ZNF469: variants seen among roughly 807,000 people sequenced by gnomAD.
ZNF469 encodes zinc finger protein 469.
A neutral mutation model predicts 1.0 loss-of-function variants in ZNF469; 1 was observed. The ratio of observed to expected loss-of-function variants is 1.00; its 90% CI spans 0.35 to 4.73. The LOEUF (loss-of-function observed/expected upper bound fraction) is 4.73. ZNF469 is among the 30% of genes most tolerant of loss of function. The probability of loss-of-function intolerance (pLI) is 0.16; values close to 1 mark genes in which losing one functional copy is unlikely to be tolerated. For missense variants in ZNF469, 6,100 were observed against 5,356.3 expected, an observed-to-expected ratio of 1.14 and a Z score of -4.33; for synonymous variants, 2,703 against 2,363.4, an observed-to-expected ratio of 1.14 and a Z score of -4.17.
At chr16:88,323,301 C>T in the ZNF469 span, among the ~76,000 whole-genome samples, 2 of 152,194 alleles carry the variant, frequency 1.3e-5, no homozygotes, top group African/African-American at 4.8e-5. Context: ...CAGGCCCTGA[C>T]ACCCTCGCAG....
At chr16:88,416,416 C>T (rs768343380) in intron 1 of ZNF469, among the ~76,000 whole-genome samples, 15 of 152,144 alleles carry the variant, frequency 9.9e-5, no homozygotes, top group Non-Finnish European at 1.8e-4. Flanking sequence ...GGAAGACAGA[C>T]GACACCCAGG....
intron 1 of ZNF469, among the ~76,000 whole-genome samples, chr16:88,384,140 TA>T (rs1240818626): frequency 6.6e-6 from 1 of 152,248 alleles, no homozygotes; most frequent in African/African-American, 2.4e-5. Context: ...TGCCACGTGT[TA>T]TCACGTTTAA....
At chr16:88,153,874 T>G in the ZNF469 span, among the ~76,000 whole-genome samples, 1 of 152,120 alleles carries the variant, frequency 6.6e-6, no homozygotes, top group Non-Finnish European at 1.5e-5. Context: ...ATCCCTGGTG[T>G]CTCCTCCTCT....
At chr16:88,163,035 G>T in the ZNF469 span, among the ~76,000 whole-genome samples, 3 of 152,004 alleles carry the variant, frequency 2.0e-5, no homozygotes, top group African/African-American at 7.3e-5. Flanking sequence ...ATGGGTGGCT[G>T]GATGAATGGA....
the ZNF469 span, among the ~76,000 whole-genome samples, chr16:88,262,099 G>A: frequency 5.9e-5 from 9 of 152,280 alleles, no homozygotes; most frequent in Non-Finnish European, 1.0e-4. The surrounding 1 kb of genome is among the most constrained non-coding windows in gnomAD (Gnocchi z 4.3). Context: ...CTGCACCGAC[G>A]TTTCCACCTC....
At chr16:88,295,699 G>A in the ZNF469 span, among the ~76,000 whole-genome samples, 2 of 152,156 alleles carry the variant, frequency 1.3e-5, no homozygotes, top group East Asian at 3.9e-4. Flanking sequence ...CCAGGCCCCC[G>A]GGAGATGCTG....
At chr16:88,135,748 G>GTTT in the ZNF469 span, among the ~76,000 whole-genome samples, 2 of 66,892 alleles carry the variant, frequency 3.0e-5, no homozygotes, top group East Asian at 5.8e-4. Context: ...AGCTGGCCAT[G>GTTT]TTTTTTTTTT....
chr16:88,228,459 C>G, the ZNF469 span, among the ~76,000 whole-genome samples: 3 of 152,256 alleles, frequency 2.0e-5, no homozygotes, highest in African/African-American at 7.2e-5. Context: ...GCAGCCCTGT[C>G]AGAGCAGAGG....
At chr16:88,250,625 G>A in the ZNF469 span, among the ~76,000 whole-genome samples, 12 of 152,140 alleles carry the variant, frequency 7.9e-5, no homozygotes, top group Admixed American at 4.6e-4. Context: ...CACTGCTTGC[G>A]GTTTTTGCAT....
chr16:88,429,575 T>A lies in ZNF469; in HGVS notation c.2105T>A (p.Leu702Gln), dbSNP rs1399674639. Residue 702 changes from leucine to glutamine, a missense_variant, in exon 3 of 3, where the codon CTG (leucine) becomes CAG (glutamine). Leu to Gln is a moderately radical substitution (Grantham distance 113). Transcript: ENST00000565624. ...GGCCCCGAGGTGGGTCGGGGAGGGC[T>A]GCAGGGCTTCCCCCGTGCGCCGCCT... ...HEGPEVGRGG[L>Q]QGFPRAPPPY... The A allele has an allele frequency of 6.5e-7, 1 of 1,549,928 alleles. No homozygotes were observed. Among genetic ancestry groups the A allele is most frequent in the Non-Finnish European group, 8.7e-7 (1 of 1,146,774 alleles).
At chr16:88,229,624 G>T in the ZNF469 span, among the ~76,000 whole-genome samples, 3 of 150,086 alleles carry the variant, frequency 2.0e-5, no homozygotes, top group African/African-American at 7.3e-5. Context: ...GATGTCACGC[G>T]TGTGGATGTC....
the ZNF469 span, among the ~76,000 whole-genome samples, chr16:88,351,760 C>T: frequency 4.0e-5 from 6 of 151,830 alleles, no homozygotes; most frequent in East Asian, 1.9e-4. Context: ...GGGGGTTGTG[C>T]GGGGCTCCAG....
chr16:88,157,648 C>T, the ZNF469 span, among the ~76,000 whole-genome samples: 2 of 152,092 alleles, frequency 1.3e-5, no homozygotes, highest in African/African-American at 4.8e-5. Context: ...GATGGACTCT[C>T]TCAGGAAAGT....
At chr16:88,217,557 C>A in the ZNF469 span, among the ~76,000 whole-genome samples, 1 of 142,266 alleles carries the variant, frequency 7.0e-6, no homozygotes, top group African/African-American at 2.6e-5. Flanking sequence ...CGTCATCTAG[C>A]ATTAGGTATA....
chr16:88,385,624 T>C (rs1237442601), intron 1 of ZNF469, among the ~76,000 whole-genome samples: 2 of 143,910 alleles, frequency 1.4e-5, no homozygotes, highest in Non-Finnish European at 3.0e-5. Flanking sequence ...GCCTGCGTGA[T>C]AGAGTGAGAC....
the ZNF469 span, among the ~76,000 whole-genome samples, chr16:88,183,300 C>A: frequency 6.6e-6 from 1 of 152,144 alleles, no homozygotes; most frequent in Non-Finnish European, 1.5e-5. Flanking sequence ...CTCCAGCAAT[C>A]CCACTCTCAA....
Position 88,428,226 on chromosome 16 carries a change from C to G in ZNF469, c.756C>G (p.Pro252=). The change falls in exon 3 of 3, where the codon CCC becomes CCG. Residue 252 remains proline, a synonymous_variant. Transcript: ENST00000565624. ...SFPGANFGVP[P]AEPEPIPKGS... ...CAGGTGCTAATTTCGGGGTTCCCCC[C>G]GCCGAGCCGGAACCTATTCCCAAAG... 1.3e-6 allele frequency: 2 copies of G among 1,550,334 alleles called. No homozygotes were observed. Among genetic ancestry groups the G allele is most frequent in the African/African-American group, 1.4e-5 (1 of 73,172 alleles).
chr16:88,172,604 T>C, the ZNF469 span, among the ~76,000 whole-genome samples: 14 of 152,130 alleles, frequency 9.2e-5, no homozygotes, highest in African/African-American at 2.2e-4. Context: ...TAAGAAGATA[T>C]GCAAAAAATT....
chr16:88,231,974 C>T, the ZNF469 span, among the ~76,000 whole-genome samples: 14 of 152,144 alleles, frequency 9.2e-5, no homozygotes, highest in Non-Finnish European at 1.3e-4. This position sits in a 1 kb window ranked among gnomAD's most constrained non-coding sequence, Gnocchi z 4.5. Context: ...AATGAACACC[C>T]GGCCCCAATC....
Sources: gnomAD v4.1 joint callset for allele counts (sites outside exome capture counted in the v4.1 genomes callset) on GRCh38, gnomAD v4.1.1 for gene constraint, Gnocchi (gnomAD v3.1) non-coding constraint, MANE v1.5 for transcripts, NCBI Gene and HGNC (gene_info 2026-07-23, HGNC 2026-07-21) for gene names.